The following POLM variants were observed in gnomAD, a reference collection of about 807,000 sequenced individuals.
POLM encodes the protein DNA-directed DNA/RNA polymerase mu.
Under a neutral mutation model 56.7 loss-of-function variants are expected in POLM, and 52 were observed. The observed-to-expected ratio is 0.92, with a 90% CI of 0.73 to 1.15. The LOEUF is 1.15. Ranked by LOEUF, POLM falls within the 50% of genes most tolerant of loss-of-function variation. The probability of loss-of-function intolerance (pLI) is 0.00; values close to 1 mark genes in which losing one functional copy is unlikely to be tolerated. For missense variants in POLM, 660 were observed against 663.6 expected (o/e 0.99, Z 0.06); for synonymous variants, 273 against 274.3 (o/e 1.00, Z 0.05).
chr7:44,079,543 T>G (rs1208654456), intron 4 of POLM, 28 bp downstream of exon 4: 1 of 796,670 alleles, frequency 1.3e-6, no homozygotes, highest in Admixed American at 1.8e-5. Flanking sequence ...ACCCACCCAC[T>G]CACCCTGCTA....
intron 4 of POLM, 34 bp downstream of exon 4, chr7:44,079,537 A>ACC: frequency 1.1e-6 from 1 of 881,120 alleles, no homozygotes; most frequent in Non-Finnish European, 1.8e-6. Flanking sequence ...CTCCCCACCC[A>ACC]CCCACTCACC....
chr7:44,081,664 CG>C (rs2096200231), intron 1 of POLM, among the ~76,000 whole-genome samples: 1 of 151,716 alleles, frequency 6.6e-6, no homozygotes, highest in Non-Finnish European at 1.5e-5. Flanking sequence ...GAGGAGCCTG[CG>C]GGCTCCGGGC....
chr7:44,082,475 G>A lies in POLM; in HGVS notation c.-37C>T, dbSNP rs1222761162. ...CCTCCAGCAGCGCGGAGCGAACGCA[G>A]AGGGAAACTCCGAGCGAGACGGAAG... On this transcript the variant is annotated 5_prime_UTR_variant, in exon 1 of 11. Coordinates refer to ENST00000242248, the MANE Select transcript of POLM (RefSeq NM_013284.4). 4 of 1,085,846 alleles carry A rather than the reference G, an allele frequency of 3.7e-6. No individual in the cohort carries two copies. Among genetic ancestry groups the A allele is most frequent in the African/African-American group, 3.5e-5 (2 of 57,534 alleles). 67.3% of individuals were successfully genotyped at this position (1,085,846 alleles called of 1,614,324 possible). A position where few individuals can be genotyped will look rare whatever the true frequency, so the allele number is the denominator to read the frequency against.
At chr7:44,073,430 CCTGCAGGAAGACTGAGGGTGGGGAAGAG>C in intron 10 of POLM, 53 bp from the exon 11 acceptor site, 2 of 1,597,602 alleles carry the variant, frequency 1.3e-6, no homozygotes, top group South Asian at 1.1e-5. Flanking sequence ...CTGCTGCTTC[CCTGCAGGAAGACTGAGGGTGGGGAAGAG>C]CCCAGCGCCG....
rs779475947 is a variant in POLM, at chr7:44,080,812, G to A, written c.293C>T (p.Ala98Val). The stretch of plus-strand genomic sequence containing the variant: ...TGTTAACCAGCTTATGTCCAGCAGA[G>A]CTGGGGGGGTGCAACCCGGGGGAGC... The part of the protein sequence containing the change: ...AAAPPGCTPP[A>V]LLDISWLTES... Residue 98 changes from alanine (A) to valine (V), a missense_variant, in exon 2 of 11, where the codon GCT (alanine) becomes GTT (valine). Coordinates refer to ENST00000242248, the MANE Select transcript of POLM (RefSeq NM_013284.4). 1.2e-6 allele frequency: 2 copies of A among 1,613,886 alleles called. No individual in the cohort carries two copies. The highest frequency in any genetic ancestry group is 4.5e-5 in the East Asian group (2 of 44,886).
rs946437070 is a variant in POLM, at chr7:44,072,266, A to G, written c.*1025T>C. On this transcript the variant is annotated 3_prime_UTR_variant, in exon 11 of 11. Coordinates refer to ENST00000242248, the MANE Select transcript of POLM (RefSeq NM_013284.4). ...GTCAACTTTACTGCATGTTTTCAAAATATTTTTTAATGTGATGAGTGGTCT... is the reference window on the plus strand; with the variant it reads ...GTCAACTTTACTGCATGTTTTCAAAGTATTTTTTAATGTGATGAGTGGTCT... The G allele has an allele frequency of 1.3e-5, 2 of 152,174 alleles. No homozygotes were observed. Among genetic ancestry groups the G allele is most frequent in the Non-Finnish European group, 2.9e-5 (2 of 68,038 alleles). 9.4% of individuals were successfully genotyped at this position (152,174 alleles called of 1,614,324 possible). A position where few individuals can be genotyped will look rare whatever the true frequency, so the allele number is the denominator to read the frequency against.
rs1383450705 is a variant in POLM at position 44,073,561 on chromosome 7, C to G, written c.1398+64G>C. ...AGGCTGGAGGGGTCTGGGGCCATTT[C>G]AGATTGTGGGTCAGGGAGCGGACTA... On this transcript the variant is annotated intron_variant, in intron 10 of 10. Coordinates refer to ENST00000242248, the MANE Select transcript of POLM (RefSeq NM_013284.4). 24 of 1,606,256 alleles carry G rather than the reference C, an allele frequency of 1.5e-5. No homozygotes were observed. In the East Asian group the frequency reaches 5.1e-4, roughly 34 times the overall value.
At position 44,072,392 on chromosome 7, in the gene POLM, G is replaced by C. The variant is rs2096170993; in HGVS notation, c.*899C>G. On this transcript the variant is annotated 3_prime_UTR_variant, in exon 11 of 11. Transcript: ENST00000242248. ...ATGGCCAGGGCAAAACCTGAGGCCA[G>C]AGTGTGCCTGGGGATATGAGGGACG... 1 of 152,232 alleles carries C rather than the reference G, an allele frequency of 6.6e-6. No individual in the cohort carries two copies. The highest frequency in any genetic ancestry group is 1.5e-5 in the Non-Finnish European group (1 of 68,052). The allele number at this position is 152,232 out of a possible 1,614,324, so 9.4% of individuals were successfully genotyped here.
In POLM at chr7:44,073,273, T is replaced by C. The variant is rs199942885; in HGVS notation, c.*18A>G. On this transcript the variant is annotated 3_prime_UTR_variant, in exon 11 of 11. Coordinates refer to ENST00000242248, the MANE Select transcript of POLM (RefSeq NM_013284.4). ...GGCAGCCCAATTTCCTGAGTGGAAG[T>C]GGGGGACACAGGCAGGCTCAGGCGT... The C allele has an allele frequency of 2.7e-4, 429 of 1,614,028 alleles. No homozygotes were observed. Among genetic ancestry groups the C allele is most frequent in the East Asian group, 4.9e-4 (22 of 44,884 alleles).
At chr7:44,076,740 C>T (rs901550474) in intron 5 of POLM, 111 bp from the exon 6 acceptor site, 25 of 1,362,306 alleles carry the variant, frequency 1.8e-5, no homozygotes, top group African/African-American at 8.6e-5. Context: ...AGGCAGGCGC[C>T]GTCCCCACTC....
intron 6 of POLM, among the ~76,000 whole-genome samples, chr7:44,075,313 G>A (rs960962114): frequency 6.6e-6 from 1 of 152,202 alleles, no homozygotes; most frequent in African/African-American, 2.4e-5. Flanking sequence ...GCCTCTCAAA[G>A]TGCTGGGACT....
intron 10 of POLM, 81 bp downstream of exon 10, chr7:44,073,544 G>A (rs1441648834): frequency 2.5e-6 from 4 of 1,602,268 alleles, no homozygotes; most frequent in Non-Finnish European, 2.6e-6. Context: ...TCAGGCTGGA[G>A]GGGTCTGGGG....
At chr7:44,079,429 G>A in intron 4 of POLM, 142 bp downstream of exon 4, 2 of 719,510 alleles carry the variant, frequency 2.8e-6, no homozygotes, top group Non-Finnish European at 2.3e-6. Flanking sequence ...GAGCGCAGAG[G>A]GTGGCTTGTT....
chr7:44,081,427 T>C (rs1300348442), intron 1 of POLM, among the ~76,000 whole-genome samples: 1 of 152,234 alleles, frequency 6.6e-6, no homozygotes, highest in Non-Finnish European at 1.5e-5. Flanking sequence ...TATCATCCTC[T>C]CCTGAGTGGG....
Position 44,074,248 on chromosome 7 carries a change from C to G in POLM, c.969-15G>C. 6.4e-7 allele frequency: 1 copy of G among 1,559,446 alleles called. No individual in the cohort carries two copies. The highest frequency in any genetic ancestry group is 8.7e-7 in the Non-Finnish European group (1 of 1,150,532). On this transcript the variant is annotated splice_polypyrimidine_tract_variant and intron_variant, in intron 7 of 10. Transcript: ENST00000242248. ...GCAACTTCCCCCTGAGGGCGTCAGT[C>G]TGACTCTGACTCAGGGACACGGCCT...
chr7:44,082,401 G>A lies in POLM; in HGVS notation c.38C>T (p.Pro13Leu), dbSNP rs1471614293. ...PKRRRARVGS[P>L]SGDAASSTPP... ...CGTGGAGGAAGCGGCATCGCCGCTA[G>A]GGGACCCGACCCGCGCTCGCCGCCG... The change falls in exon 1 of 11, where the codon CCT (proline) becomes CTT (leucine). Residue 13 changes from proline (P) to leucine (L), a missense_variant. Physicochemically the swap from Pro to Leu is moderately conservative, Grantham distance 98. Transcript: ENST00000242248. 2 of 1,498,114 alleles carry A rather than the reference G, an allele frequency of 1.3e-6. No individual in the cohort carries two copies. Among genetic ancestry groups the A allele is most frequent in the East Asian group, 2.7e-5 (1 of 36,566 alleles). 92.8% of individuals were successfully genotyped at this position (1,498,114 alleles called of 1,614,324 possible). A position where few individuals can be genotyped will look rare whatever the true frequency, so the allele number is the denominator to read the frequency against.
chr7:44,073,753 C>T (rs770496842), intron 9 of POLM, 30 bp downstream of exon 9: 29 of 1,613,828 alleles, frequency 1.8e-5, no homozygotes, highest in Non-Finnish European at 2.5e-5. Flanking sequence ...CCAGCCCCAC[C>T]CCCAGGCGGC....
At chr7:44,074,339 G>C in intron 7 of POLM, 59 bp downstream of exon 7, 1 of 1,548,128 alleles carries the variant, frequency 6.5e-7, no homozygotes, top group Admixed American at 2.0e-5. Context: ...CCCGACTCAG[G>C]TCCCTTCACT....
At position 44,082,520 on chromosome 7, in the gene POLM, C is replaced by G; in HGVS notation, c.-82G>C. 1 of 52,436 alleles carries G rather than the reference C, an allele frequency of 1.9e-5. No homozygotes were observed. Among genetic ancestry groups the G allele is most frequent in the Non-Finnish European group, 3.5e-5 (1 of 28,966 alleles). 3.2% of individuals were successfully genotyped at this position (52,436 alleles called of 1,614,324 possible). On this transcript the variant is annotated 5_prime_UTR_variant, in exon 1 of 11. Transcript: ENST00000242248. Reference sequence around the variant, plus strand: ...CGGAAGGAAGCCCCAGTGAGGCTGACGGAAGCGGGTGGGCGGGCGGGCGGC... The same window carrying G: ...CGGAAGGAAGCCCCAGTGAGGCTGAGGGAAGCGGGTGGGCGGGCGGGCGGC...
Sources: gnomAD v4.1 joint callset for allele counts (sites outside exome capture counted in the v4.1 genomes callset) on GRCh38, gnomAD v4.1.1 for gene constraint, MANE v1.5 for transcripts, NCBI Gene and HGNC (gene_info 2026-07-23, HGNC 2026-07-21) for gene names.